The following TUBB6 variants were observed in gnomAD, a reference collection of about 807,000 sequenced individuals.
TUBB6 encodes tubulin beta-6 chain.
Under a neutral mutation model 32.3 loss-of-function variants are expected in TUBB6, and 18 were observed. That is an observed-to-expected ratio of 0.56 (90% CI 0.39 to 0.83). The LOEUF is 0.83. TUBB6 is among the 40% of genes least tolerant of loss of function. The pLI is 0.00. For missense variants in TUBB6, 480 were observed against 632.0 expected (o/e 0.76, Z 2.58); for synonymous variants, 280 against 265.8 (o/e 1.05, Z -0.52).
chr18:12,323,114 T>G (rs533090382), intron 3 of TUBB6, among the ~76,000 whole-genome samples: 1 of 152,156 alleles, frequency 6.6e-6, no homozygotes, highest in East Asian at 1.9e-4. Context: ...ACTCAAGAGG[T>G]TGAAGTGGGA....
intron 3 of TUBB6, among the ~76,000 whole-genome samples, chr18:12,324,642 G>A (rs1385010370): frequency 6.6e-6 from 1 of 151,770 alleles, no homozygotes; most frequent in Admixed American, 6.6e-5. Flanking sequence ...GTAGAGATGG[G>A]GTTTCCTCAT....
intron 1 of TUBB6, 24 bp downstream of exon 1, chr18:12,308,373 C>A: frequency 7.1e-7 from 1 of 1,399,080 alleles, no homozygotes; most frequent in South Asian, 1.7e-5. Context: ...GGTGCAGGGC[C>A]TCTCCGCGGG....
chr18:12,311,325 C>T (rs949028454), intron 3 of TUBB6, among the ~76,000 whole-genome samples: 6 of 152,104 alleles, frequency 3.9e-5, no homozygotes, highest in Non-Finnish European at 8.8e-5. Flanking sequence ...AAGCCAGGCG[C>T]GGTGGCTCAT....
chr18:12,315,864 C>T (rs1204505758), intron 3 of TUBB6, among the ~76,000 whole-genome samples: 1 of 152,188 alleles, frequency 6.6e-6, no homozygotes, highest in African/African-American at 2.4e-5. Flanking sequence ...GTACCAGTGG[C>T]CGGTTTTATT....
chr18:12,309,079 G>A (rs1052284810), intron 2 of TUBB6, among the ~76,000 whole-genome samples: 1 of 152,194 alleles, frequency 6.6e-6, no homozygotes, highest in Non-Finnish European at 1.5e-5. Context: ...AGCCGGGCGC[G>A]GTGGCTCAAG....
chr18:12,309,675 A>G (rs556400583), intron 2 of TUBB6, among the ~76,000 whole-genome samples: 2 of 152,264 alleles, frequency 1.3e-5, no homozygotes, highest in Non-Finnish European at 2.9e-5. Context: ...CTTCATGTTA[A>G]TCCCTCACCC....
At chr18:12,313,980 G>A (rs2144137171) in intron 3 of TUBB6, among the ~76,000 whole-genome samples, 1 of 152,262 alleles carries the variant, frequency 6.6e-6, no homozygotes, top group South Asian at 2.1e-4. Context: ...TTAATATTCT[G>A]TATTGTGAGA....
chr18:12,310,186 TTTTTTTAA>T (rs1362751718), intron 2 of TUBB6, among the ~76,000 whole-genome samples: 1 of 152,020 alleles, frequency 6.6e-6, no homozygotes, highest in Non-Finnish European at 1.5e-5. Context: ...TTTTCTTTCT[TTTTTTTAA>T]GAGACAGGGT....
downstream of TUBB6, among the ~76,000 whole-genome samples, chr18:12,328,094 G>A (rs112104293): frequency 5.9e-5 from 9 of 152,356 alleles, 1 homozygote; most frequent in African/African-American, 2.2e-4. Flanking sequence ...AGCAGGGGGC[G>A]CCTGTTCTCC....
chr18:12,309,595 G>A (rs1344257464), intron 2 of TUBB6, among the ~76,000 whole-genome samples: 1 of 152,114 alleles, frequency 6.6e-6, no homozygotes, highest in Admixed American at 6.5e-5. Context: ...ATGACAAAAG[G>A]CTGGGAACAT....
chr18:12,326,305 C>T lies in TUBB6; in HGVS notation c.*175C>T. The T allele has an allele frequency of 1.0e-6, 1 of 1,000,632 alleles. No individual in the cohort carries two copies. The highest frequency in any genetic ancestry group is 1.8e-5 in the South Asian group (1 of 55,152). 62.0% of individuals were successfully genotyped at this position (1,000,632 alleles called of 1,614,324 possible). A position where few individuals can be genotyped will look rare whatever the true frequency, so the allele number is the denominator to read the frequency against. ...CATCTGGAACAAAGACTAAAAACAG[C>T]AGAGAATTGCGGGTTCTACCCAGTC... On this transcript the variant is annotated 3_prime_UTR_variant, in exon 4 of 4. Transcript: ENST00000317702.
intron 3 of TUBB6, among the ~76,000 whole-genome samples, chr18:12,311,985 C>G (rs10853224): frequency 0.79 from 119,780 of 152,126 alleles, 48,462 homozygotes; most frequent in Non-Finnish European, 0.88. Context: ...AAAGCAGTGT[C>G]TTCCAAGAAA....
intron 3 of TUBB6, among the ~76,000 whole-genome samples, chr18:12,323,430 T>C (rs373233909): frequency 1.1e-4 from 17 of 152,136 alleles, no homozygotes; most frequent in African/African-American, 3.9e-4. Flanking sequence ...AAATGAAAAA[T>C]AGGATTTTAA....
downstream of TUBB6, among the ~76,000 whole-genome samples, chr18:12,327,879 G>A (rs1169521896): frequency 1.3e-5 from 2 of 152,212 alleles, no homozygotes; most frequent in African/African-American, 2.4e-5. Context: ...GGCAGCCCAC[G>A]CTGGCTCCAT....
At chr18:12,329,298 C>G, downstream of TUBB6, 1 of 690,718 alleles carries the variant, frequency 1.4e-6, no homozygotes, top group Non-Finnish European at 2.6e-6. Flanking sequence ...GCCTCGGCCA[C>G]TCTGGGCTCA....
intron 2 of TUBB6, among the ~76,000 whole-genome samples, chr18:12,310,532 G>A (rs1485991045): frequency 6.6e-6 from 1 of 150,978 alleles, no homozygotes; most frequent in African/African-American, 2.4e-5. Flanking sequence ...CTGGAGTACA[G>A]TGGCATAACC....
chr18:12,308,325 G>C lies in TUBB6; in HGVS notation c.33G>C (p.Gln11His). Residue 11 changes from glutamine (Q) to histidine (H), a missense_variant, in exon 1 of 4, where the codon CAG (glutamine) becomes CAC (histidine). Physicochemically the swap from Gln to His is conservative, Grantham distance 24. Transcript: ENST00000317702. ...AGATCGTGCACATCCAGGCGGGCCA[G>C]TGCGGGAACCAGATCGGCACCAAGG... MREIVHIQAG[Q>H]CGNQIGTKFW... The C allele has an allele frequency of 6.7e-7, 1 of 1,483,876 alleles. No homozygotes were observed. Among genetic ancestry groups the C allele is most frequent in the Non-Finnish European group, 9.0e-7 (1 of 1,112,910 alleles). 91.9% of individuals were successfully genotyped at this position (1,483,876 alleles called of 1,614,324 possible). A position where few individuals can be genotyped will look rare whatever the true frequency, so the allele number is the denominator to read the frequency against.
intron 3 of TUBB6, among the ~76,000 whole-genome samples, chr18:12,311,413 C>T (rs903279820): frequency 3.3e-5 from 5 of 152,044 alleles, no homozygotes; most frequent in African/African-American, 1.2e-4. Flanking sequence ...CTGGCTGACA[C>T]GGTGAAACCC....
chr18:12,308,660 C>T (rs1368157300), intron 1 of TUBB6, 27 bp from the exon 2 acceptor site: 1 of 1,503,818 alleles, frequency 6.6e-7, no homozygotes, highest in South Asian at 1.1e-5. Flanking sequence ...TTCTGAGCGT[C>T]TGTCCCCCCG....
Sources: gnomAD v4.1 joint callset for allele counts (sites outside exome capture counted in the v4.1 genomes callset) on GRCh38, gnomAD v4.1.1 for gene constraint, MANE v1.5 for transcripts, NCBI Gene and HGNC (gene_info 2026-07-23, HGNC 2026-07-21) for gene names.